Variants in OTOGL observed in about 807,000 individuals in gnomAD.
The protein encoded by OTOGL is otogelin-like protein.
Under a neutral mutation model 318.5 loss-of-function variants are expected in OTOGL, and 285 were observed. The ratio of observed to expected loss-of-function variants is 0.89; its 90% CI spans 0.81 to 0.99. The LOEUF is 0.99. OTOGL is among the 50% of genes least tolerant of loss of function. OTOGL has a pLI of 0.00. For missense variants in OTOGL, 2,899 were observed against 2,845.6 expected, an observed-to-expected ratio of 1.02 and a Z score of -0.43; for synonymous variants, 987 against 936.5, an observed-to-expected ratio of 1.05 and a Z score of -0.99.
In OTOGL at chr12:80,305,602, CTT is replaced by C. The variant is rs1346338823; in HGVS notation, c.3242_3243del (p.Phe1081Ter). 6.4e-7 allele frequency: 1 copy of C among 1,570,312 alleles called. No homozygotes were observed. Among genetic ancestry groups the C allele is most frequent in the Non-Finnish European group, 8.6e-7 (1 of 1,169,316 alleles). ...ACAAGCTATCAGGATTGTGTGGAAA[CTT>C]TGACAAATGCACTTCAAATGATATG... ...KNKLSGLCGN[F>X]DKCTSNDMTT... On this transcript the variant is annotated frameshift_variant, in exon 29 of 59. Coordinates refer to ENST00000547103, the MANE Select transcript of OTOGL (RefSeq NM_001378609.3). LOFTEE classifies it high-confidence loss of function.
intron 33 of OTOGL, among the ~76,000 whole-genome samples, 183 bp downstream of exon 33, chr12:80,318,896 CTTTG>C (rs1422265680): frequency 2.0e-5 from 3 of 151,974 alleles, no homozygotes; most frequent in African/African-American, 7.2e-5. Context: ...AAAATCATTT[CTTTG>C]TTTATTTATT....
chr12:80,151,764 C>T (rs1872798089), intron 1 of OTOGL, among the ~76,000 whole-genome samples: 1 of 152,170 alleles, frequency 6.6e-6, no homozygotes, highest in African/African-American at 2.4e-5. Flanking sequence ...TCACTAGTCA[C>T]TAATAGACTA....
intron 29 of OTOGL, among the ~76,000 whole-genome samples, chr12:80,306,812 A>T (rs1264564508): frequency 5.1e-5 from 7 of 137,636 alleles, no homozygotes; most frequent in African/African-American, 2.1e-4. Context: ...TATTATTATT[A>T]TTATTATTTT....
rs909083459 is a variant in OTOGL, at chr12:80,261,826, T to G, written c.1890-143T>G. Reference sequence around the variant, plus strand: ...AATATGGAGCTTAATATCGTTGTACTTTTTTTTAAACTGGTAGAAAATTTC... The same window carrying G: ...AATATGGAGCTTAATATCGTTGTACGTTTTTTTAAACTGGTAGAAAATTTC... On this transcript the variant is annotated intron_variant, in intron 18 of 58. Coordinates refer to ENST00000547103, the MANE Select transcript of OTOGL (RefSeq NM_001378609.3). 8 of 1,001,790 alleles carry G rather than the reference T, an allele frequency of 8.0e-6. No homozygotes were observed. The East Asian group carries it at 2.4e-4, about 30-fold the overall frequency. The allele number at this position is 1,001,790 out of a possible 1,614,324, so 62.1% of individuals were successfully genotyped here. A position where few individuals can be genotyped will look rare whatever the true frequency, so the allele number is the denominator to read the frequency against.
At chr12:80,114,151 G>A (rs1197013854) in intron 1 of OTOGL, among the ~76,000 whole-genome samples, 1 of 152,064 alleles carries the variant, frequency 6.6e-6, no homozygotes, top group East Asian at 1.9e-4. Context: ...TTGATCCTGT[G>A]ATTATGATGT....
At chr12:80,327,773 C>T (rs1463712735) in intron 35 of OTOGL, among the ~76,000 whole-genome samples, 2 of 151,338 alleles carry the variant, frequency 1.3e-5, no homozygotes, top group African/African-American at 4.9e-5. Context: ...TCCTGGCTAA[C>T]ATGGTGAAAC....
chr12:80,118,176 G>A (rs898189522), intron 1 of OTOGL, among the ~76,000 whole-genome samples: 12 of 152,186 alleles, frequency 7.9e-5, no homozygotes, highest in Non-Finnish European at 2.9e-5. Flanking sequence ...TTGGCCCAAG[G>A]CAGGGAAGAG....
intron 11 of OTOGL, among the ~76,000 whole-genome samples, chr12:80,249,668 C>T (rs1042463114): frequency 1.3e-5 from 2 of 152,074 alleles, no homozygotes; most frequent in Admixed American, 6.6e-5. Context: ...GCAGGTAGGC[C>T]TCCTTGAGCT....
At chr12:80,137,299 GT>G (rs1871641121) in intron 1 of OTOGL, among the ~76,000 whole-genome samples, 1 of 151,998 alleles carries the variant, frequency 6.6e-6, no homozygotes, top group African/African-American at 2.4e-5. Context: ...TGCTATTTTA[GT>G]GAATATTCAG....
chr12:80,180,991 G>A (rs945031018), intron 1 of OTOGL, among the ~76,000 whole-genome samples: 4 of 152,102 alleles, frequency 2.6e-5, no homozygotes, highest in Admixed American at 2.0e-4. Flanking sequence ...GTTAAGGTGA[G>A]GCATATGGGT....
intron 24 of OTOGL, 104 bp from the exon 25 acceptor site, chr12:80,278,064 C>T (rs1451405657): frequency 1.1e-6 from 1 of 913,376 alleles, no homozygotes; most frequent in African/African-American, 1.7e-5. Context: ...CCTTAGACAG[C>T]TCTAATAAAT....
chr12:80,358,559 C>A, intron 50 of OTOGL, 112 bp from the exon 51 acceptor site: 1 of 941,616 alleles, frequency 1.1e-6, no homozygotes, highest in South Asian at 1.7e-5. Context: ...AGAGGTAGCA[C>A]TTGGGAAATA....
At chr12:80,228,783 G>A (rs1209915981) in intron 7 of OTOGL, among the ~76,000 whole-genome samples, 2 of 150,628 alleles carry the variant, frequency 1.3e-5, no homozygotes, top group African/African-American at 2.4e-5. Flanking sequence ...CTTCCCTAAT[G>A]TGTCTGGCAA....
At chr12:80,328,108 G>C (rs1014677305) in intron 35 of OTOGL, among the ~76,000 whole-genome samples, 5 of 151,770 alleles carry the variant, frequency 3.3e-5, no homozygotes, top group Non-Finnish European at 5.9e-5. Context: ...CTTGAGCCCA[G>C]GAATTCAAGA....
chr12:80,325,836 C>T (rs1387078702), intron 35 of OTOGL, among the ~76,000 whole-genome samples: 2 of 152,030 alleles, frequency 1.3e-5, no homozygotes, highest in Non-Finnish European at 2.9e-5. Flanking sequence ...GACATTGAGC[C>T]ATATTTTGAA....
At chr12:80,363,855 G>A (rs1053016853) in intron 52 of OTOGL, among the ~76,000 whole-genome samples, 1 of 152,134 alleles carries the variant, frequency 6.6e-6, no homozygotes, top group Admixed American at 6.6e-5. Flanking sequence ...GCTTTTTGGA[G>A]TAGCAGTCTC....
At chr12:80,248,453 G>C (rs909922090) in intron 11 of OTOGL, among the ~76,000 whole-genome samples, 1,535 of 143,738 alleles carry the variant, frequency 0.011, 43 homozygotes, top group African/African-American at 0.04. Context: ...TGAAATTCTG[G>C]GTTGCAAATT....
rs867315415 is a variant in OTOGL at position 80,305,639 on chromosome 12, A to C, written c.3277A>C (p.Asn1093His). 2.1e-5 allele frequency: 34 copies of C among 1,584,532 alleles called. No individual in the cohort carries two copies. In the Middle Eastern group the frequency reaches 4.8e-3, roughly 225 times the overall value. Residue 1093 changes from asparagine (N) to histidine (H), a missense_variant, in exon 29 of 59, where the codon AAT becomes CAT. Physicochemically the swap from Asn to His is moderately conservative, Grantham distance 68. Around this residue, in one of 3 missense-constraint regions of OTOGL, gnomAD observed 2,607 missense variants for 2,524.9 expected, o/e 1.03. Coordinates refer to ENST00000547103, the MANE Select transcript of OTOGL (RefSeq NM_001378609.3). ...KCTSNDMTTS[N>H]NLEVRNARVF... ...CACTTCAAATGATATGACCACATCT[A>C]ATAACTTGGAAGTGAGAAATGCTCG...
At chr12:80,301,933 G>A (rs531090436) in intron 27 of OTOGL, among the ~76,000 whole-genome samples, 1 of 152,198 alleles carries the variant, frequency 6.6e-6, no homozygotes, top group Non-Finnish European at 1.5e-5. Context: ...CAGTTTTGCA[G>A]TTTAATGTGC....
Sources: allele counts gnomAD v4.1 joint callset (sites outside exome capture counted in the v4.1 genomes callset), GRCh38; gene constraint gnomAD v4.1.1; regional missense constraint gnomAD v4.1.1; transcripts MANE v1.5; gene names NCBI Gene and HGNC (gene_info 2026-07-23, HGNC 2026-07-21).